GATC: variants seen among roughly 807,000 people sequenced by gnomAD.
The protein encoded by GATC is glutamyl-tRNA(Gln) amidotransferase subunit C, mitochondrial.
A neutral mutation model predicts 14.4 loss-of-function variants in GATC; 11 were observed. The ratio of observed to expected loss-of-function variants is 0.77; its 90% confidence interval spans 0.48 to 1.27. GATC has a LOEUF of 1.27. Ranked by LOEUF, GATC falls within the 50% of genes most tolerant of loss-of-function variation. The pLI is 0.00. For missense variants in GATC, 204 were observed against 183.0 expected (o/e 1.11, Z -0.66); for synonymous variants, 76 against 79.3 (o/e 0.96, Z 0.22).
chr12:120,451,875 CTTTTTTT>C (rs1170221029), intron 2 of GATC, among the ~76,000 whole-genome samples: 4 of 90,794 alleles, frequency 4.4e-5, no homozygotes, highest in East Asian at 7.8e-4. Flanking sequence ...TATATAAATT[CTTTTTTT>C]TTTTTTTTTT....
intron 2 of GATC, among the ~76,000 whole-genome samples, chr12:120,447,795 A>T (rs1180864261): frequency 6.6e-6 from 1 of 152,104 alleles, no homozygotes; most frequent in Non-Finnish European, 1.5e-5. Flanking sequence ...TCACTCTATC[A>T]CCCAGGTTAG....
At position 120,457,102 on chromosome 12, in the gene GATC, T is replaced by C; in HGVS notation, c.281T>C (p.Val94Ala). The C allele has an allele frequency of 6.2e-7, 1 of 1,613,886 alleles. No homozygotes were observed. The highest frequency in any genetic ancestry group is 8.5e-7 in the Non-Finnish European group (1 of 1,179,794). ...TGTCTATACCTGAGATCCGACAATG[T>C]GGTAGAAGGCAACTGTGCTGATGAA... ...DRCLYLRSDN[V>A]VEGNCADELL... The change falls in exon 3 of 4, where the codon GTG becomes GCG. Residue 94 changes from valine (V) to alanine (A), a missense_variant. Physicochemically the swap from Val to Ala is moderately conservative, Grantham distance 64. Transcript: ENST00000551765.
At chr12:120,453,534 G>A (rs1345590455) in intron 2 of GATC, among the ~76,000 whole-genome samples, 2 of 152,160 alleles carry the variant, frequency 1.3e-5, no homozygotes, top group Non-Finnish European at 2.9e-5. Flanking sequence ...AGGTGGTGAG[G>A]TAGAAGTTTA....
rs748936893 is a variant in GATC at position 120,446,727 on chromosome 12, G to A, written c.152G>A (p.Arg51His). The change falls in exon 2 of 4, where the codon CGC becomes CAC. Residue 51 changes from arginine to histidine, a missense_variant. Coordinates refer to ENST00000551765, the MANE Select transcript of GATC (RefSeq NM_176818.3). ...ERLALVDFGS[R>H]EAVARLEKAI... ...CTAGCGCTTGTGGACTTCGGCAGCC[G>A]CGAGGCAGTGGCGCGACTGGAGAAA... 6 of 1,614,008 alleles carry A rather than the reference G, an allele frequency of 3.7e-6. No homozygotes were observed. The highest frequency in any genetic ancestry group is 5.1e-6 in the Non-Finnish European group (6 of 1,180,020).
chr12:120,448,132 G>A (rs1877928646), intron 2 of GATC, among the ~76,000 whole-genome samples: 1 of 151,964 alleles, frequency 6.6e-6, no homozygotes, highest in Non-Finnish European at 1.5e-5. Flanking sequence ...ATGTTGCCCA[G>A]GCTGGTCGCA....
intron 2 of GATC, among the ~76,000 whole-genome samples, chr12:120,449,879 C>T (rs1877991320): frequency 6.6e-6 from 1 of 152,146 alleles, no homozygotes; most frequent in Admixed American, 6.5e-5. Flanking sequence ...TCTCCTGCCT[C>T]AGCCTCCCAA....
chr12:120,457,325 G>T, intron 3 of GATC, 146 bp downstream of exon 3: 1 of 673,298 alleles, frequency 1.5e-6, no homozygotes. Context: ...TGGCAGTAGG[G>T]TCCAGGGTCA....
chr12:120,455,037 A>T (rs1042589412), intron 2 of GATC: 2 of 440,084 alleles, frequency 4.5e-6, no homozygotes, highest in Admixed American at 5.0e-5. Context: ...ACAGGTATGT[A>T]CCACCATGCC....
In GATC at chr12:120,446,861, A is replaced by G. The variant is rs560852295; in HGVS notation, c.254+32A>G. On this transcript the variant is annotated intron_variant, in intron 2 of 3. Transcript: ENST00000551765. ...TCGCGGCTGCAGCCCCGAAGCCTTG[A>G]CCGTGGCCCGTTCGCAGCCGTTTAA... The G allele has an allele frequency of 5.8e-5, 90 of 1,557,938 alleles. No homozygotes were observed. The South Asian group carries it at 1.0e-3, about 18-fold the overall frequency.
At chr12:120,459,159 G>T (rs558712002) in intron 3 of GATC, among the ~76,000 whole-genome samples, 4 of 151,996 alleles carry the variant, frequency 2.6e-5, no homozygotes, top group African/African-American at 9.6e-5. Context: ...GCACCCGGCC[G>T]TGAGCTAAAC....
intron 2 of GATC, among the ~76,000 whole-genome samples, chr12:120,456,004 T>A (rs1878174913): frequency 6.6e-6 from 1 of 152,194 alleles, no homozygotes; most frequent in Non-Finnish European, 1.5e-5. Context: ...AGTTCTTATG[T>A]GCAGCCTTAG....
intron 2 of GATC, among the ~76,000 whole-genome samples, chr12:120,456,363 A>C (rs557481144): frequency 6.6e-6 from 1 of 152,174 alleles, no homozygotes; most frequent in Non-Finnish European, 1.5e-5. Flanking sequence ...CACATCCACC[A>C]AAGTGGCTGT....
At chr12:120,456,005 G>A (rs1369654829) in intron 2 of GATC, among the ~76,000 whole-genome samples, 1 of 152,146 alleles carries the variant, frequency 6.6e-6, no homozygotes, top group African/African-American at 2.4e-5. Context: ...GTTCTTATGT[G>A]CAGCCTTAGC....
Position 120,457,079 on chromosome 12 carries a change from T to C in GATC, c.258T>C (p.Cys86=). The C allele has an allele frequency of 6.2e-7, 1 of 1,611,284 alleles. No homozygotes were observed. Among genetic ancestry groups the C allele is most frequent in the Non-Finnish European group, 8.5e-7 (1 of 1,177,406 alleles). The part of the protein sequence containing the change: ...EPMESVLEDR[C]LYLRSDNVVE... Reference sequence around the variant, plus strand: ...CTTGAGCTTCTGGGTTTTGTAGATGTCTATACCTGAGATCCGACAATGTGG... The same window carrying C: ...CTTGAGCTTCTGGGTTTTGTAGATGCCTATACCTGAGATCCGACAATGTGG... Residue 86 remains cysteine (C), a synonymous_variant, in exon 3 of 4, where the codon TGT becomes TGC. Transcript: ENST00000551765.
At position 120,446,553 on chromosome 12, in the gene GATC, G is replaced by C; in HGVS notation, c.73G>C (p.Asp25His). ...GCGCCAGGGCTTCACCTCCAAGGCG[G>C]ATCCTCAGGTAAAGGCCAGGGCCAT... ...GGRQGFTSKADPQGSGRITAA... is the reference protein window; with the variant it reads ...GGRQGFTSKAHPQGSGRITAA... Residue 25 changes from aspartate (D) to histidine (H), a missense_variant, in exon 1 of 4, where the codon GAT becomes CAT. Physicochemically the swap from Asp to His is moderately conservative, Grantham distance 81 (BLOSUM62 -1). Transcript: ENST00000551765. 1 of 1,600,214 alleles carries C rather than the reference G, an allele frequency of 6.2e-7. No individual in the cohort carries two copies. The highest frequency in any genetic ancestry group is 8.5e-7 in the Non-Finnish European group (1 of 1,173,582).
chr12:120,455,716 C>T (rs1346081030), intron 2 of GATC, among the ~76,000 whole-genome samples: 7 of 151,454 alleles, frequency 4.6e-5, no homozygotes, highest in Admixed American at 2.0e-4. Context: ...GGCAGAGTAT[C>T]GCTCTGTCGC....
intron 2 of GATC, among the ~76,000 whole-genome samples, chr12:120,447,280 T>C (rs538543283): frequency 1.3e-5 from 2 of 152,172 alleles, no homozygotes; most frequent in African/African-American, 4.8e-5. Context: ...GGTTTCACCA[T>C]CTTGGCCAGG....
At position 120,455,847 on chromosome 12, in the gene GATC, G is replaced by T. The variant is rs566175694; in HGVS notation, c.255-1229G>T. ...TCTACAGGCGCCCACCACCACGCCC[G>T]GCTAATTTTTTTGTATTTTTAGTAG... On this transcript the variant is annotated intron_variant, in intron 2 of 3. Coordinates refer to ENST00000551765, the MANE Select transcript of GATC (RefSeq NM_176818.3). 2.0e-5 allele frequency among the ~76,000 whole-genome samples: 3 copies of T among 152,102 alleles called. No homozygotes were observed. The East Asian group carries it at 5.8e-4, about 29-fold the overall frequency.
intron 2 of GATC, 33 bp from the exon 3 acceptor site, chr12:120,457,043 G>A: frequency 1.4e-6 from 2 of 1,472,488 alleles, no homozygotes; most frequent in Non-Finnish European, 1.9e-6. Context: ...CCCCTTCTCT[G>A]AGAGGGTAAC....
Sources: gnomAD v4.1 joint callset for allele counts (sites outside exome capture counted in the v4.1 genomes callset) on GRCh38, gnomAD v4.1.1 for gene constraint, MANE v1.5 for transcripts, NCBI Gene and HGNC (gene_info 2026-07-23, HGNC 2026-07-21) for gene names.